The following GNAO1 variants were observed in gnomAD, a reference collection of about 807,000 sequenced individuals.
The protein encoded by GNAO1 is G protein subunit alpha o1, also known as guanine nucleotide-binding protein G(o) subunit alpha.
For missense variants in GNAO1, 166 were observed against 478.7 expected, an observed-to-expected ratio of 0.35 and a Z score of 6.10; for synonymous variants, 164 against 180.7, an observed-to-expected ratio of 0.91 and a Z score of 0.74.
chr16:56,309,658 C>T (rs1407934713), intron 3 of GNAO1, among the ~76,000 whole-genome samples: 8 of 152,202 alleles, frequency 5.3e-5, no homozygotes, highest in African/African-American at 1.9e-4. Context: ...GACCAGAAGC[C>T]AAGGCCCTTC....
intron 2 of GNAO1, among the ~76,000 whole-genome samples, chr16:56,234,010 C>T (rs151218350): frequency 6.6e-6 from 1 of 152,348 alleles, no homozygotes; most frequent in East Asian, 1.9e-4. Flanking sequence ...GCCTCTCTAC[C>T]TTCAGTAACC....
intron 2 of GNAO1, among the ~76,000 whole-genome samples, chr16:56,227,456 A>C (rs2036542054): frequency 6.6e-6 from 1 of 151,948 alleles, no homozygotes; most frequent in Admixed American, 6.5e-5. Context: ...GGTGTGTTTG[A>C]TTTGCACTCT....
At chr16:56,315,287 A>G (rs1313500359) in intron 3 of GNAO1, among the ~76,000 whole-genome samples, 1 of 152,172 alleles carries the variant, frequency 6.6e-6, no homozygotes, top group East Asian at 1.9e-4. Context: ...GAGGTCGGCC[A>G]TTATCATTTT....
intron 2 of GNAO1, among the ~76,000 whole-genome samples, chr16:56,265,135 T>C (rs1232926184): frequency 2.0e-5 from 3 of 152,240 alleles, no homozygotes; most frequent in African/African-American, 4.8e-5. Flanking sequence ...AGCAGCTGAA[T>C]CTGAAGCTGG....
At chr16:56,243,175 G>A (rs564363679) in intron 2 of GNAO1, among the ~76,000 whole-genome samples, 10 of 151,782 alleles carry the variant, frequency 6.6e-5, no homozygotes, top group Non-Finnish European at 1.5e-4. Context: ...ACATTATGGT[G>A]AGTTATATAA....
intron 2 of GNAO1, among the ~76,000 whole-genome samples, chr16:56,256,692 C>CTG (rs879268843): frequency 0.13 from 13,578 of 102,562 alleles, 750 homozygotes; most frequent in African/African-American, 0.22. Flanking sequence ...CTCTGTCTCT[C>CTG]TCTCTCTCTC....
At chr16:56,310,833 G>T (rs1005067956) in intron 3 of GNAO1, among the ~76,000 whole-genome samples, 7 of 152,060 alleles carry the variant, frequency 4.6e-5, no homozygotes, top group Non-Finnish European at 8.8e-5. Context: ...TTCTTGGTGG[G>T]TGGGTGGCTC....
At chr16:56,248,237 G>A (rs1485762334) in intron 2 of GNAO1, among the ~76,000 whole-genome samples, 4 of 152,122 alleles carry the variant, frequency 2.6e-5, no homozygotes, top group African/African-American at 9.7e-5. Context: ...CTTAACTCTC[G>A]TTTCTGTTTT....
intron 2 of GNAO1, among the ~76,000 whole-genome samples, chr16:56,208,562 T>A (rs1213751250): frequency 1.3e-5 from 2 of 152,190 alleles, no homozygotes; most frequent in Non-Finnish European, 2.9e-5. Context: ...TACAGTGTTT[T>A]CCGAAGTGGT....
At chr16:56,276,182 T>C in intron 3 of GNAO1, 110 bp downstream of exon 3, 1 of 930,586 alleles carries the variant, frequency 1.1e-6, no homozygotes, top group East Asian at 2.6e-5. Context: ...GAGACTCCGC[T>C]ATGTTTGAAA....
chr16:56,352,688 G>A (rs993385073), intron 7 of GNAO1: 1 of 152,372 alleles, frequency 6.6e-6, no homozygotes, highest in Non-Finnish European at 1.5e-5. Context: ...GCTGGGAGCA[G>A]TGTGTGAAGA....
At chr16:56,303,597 C>T (rs1488819121) in intron 3 of GNAO1, among the ~76,000 whole-genome samples, 7 of 152,176 alleles carry the variant, frequency 4.6e-5, no homozygotes, top group Admixed American at 3.9e-4. Context: ...TAGAGCCCCT[C>T]GTGACTGTCA....
chr16:56,346,021 A>G (rs2037863963), intron 6 of GNAO1: 1 of 985,168 alleles, frequency 1.0e-6, no homozygotes, highest in Non-Finnish European at 1.2e-6. Flanking sequence ...CCCTGTCCCT[A>G]GAACTGGGGC....
intron 8 of GNAO1, chr16:56,355,526 G>C (rs2037960137): frequency 6.6e-6 from 1 of 152,396 alleles, no homozygotes; most frequent in Admixed American, 6.5e-5. Context: ...TGCGCCCTCA[G>C]TTCCGTCCTG....
intron 2 of GNAO1, among the ~76,000 whole-genome samples, chr16:56,223,475 A>G (rs1271926396): frequency 6.6e-6 from 1 of 152,210 alleles, no homozygotes; most frequent in Non-Finnish European, 1.5e-5. Flanking sequence ...ACCTACCCGG[A>G]TAATCCAGGA....
At chr16:56,209,811 C>G (rs2036368795) in intron 2 of GNAO1, among the ~76,000 whole-genome samples, 1 of 152,012 alleles carries the variant, frequency 6.6e-6, no homozygotes, top group African/African-American at 2.4e-5. Context: ...CGTCCCTCCC[C>G]ACACACATGC....
chr16:56,246,578 G>T (rs1350526646), intron 2 of GNAO1, among the ~76,000 whole-genome samples: 1 of 152,200 alleles, frequency 6.6e-6, no homozygotes, highest in Admixed American at 6.5e-5. Flanking sequence ...CGAGGACCCA[G>T]TGTGTCCACG....
chr16:56,320,559 A>T lies in GNAO1; in HGVS notation c.304-8072A>T, dbSNP rs543697089. Among the ~76,000 whole-genome samples, 4 of 152,350 alleles carry T rather than the reference A, an allele frequency of 2.6e-5. No homozygotes were observed. In the South Asian group the frequency reaches 8.3e-4, roughly 32 times the overall value. ...CCCGCAGAAAGCTGCATGGAGCAGC[A>T]CTAAAAGTCCAAGGAGGGAGTGAGC... On this transcript the variant is annotated intron_variant, in intron 3 of 8. Coordinates refer to ENST00000262493, the MANE Select transcript of GNAO1 (RefSeq NM_020988.3).
intron 4 of GNAO1, among the ~76,000 whole-genome samples, chr16:56,331,210 C>T (rs1361284760): frequency 6.6e-6 from 1 of 152,198 alleles, no homozygotes; most frequent in Non-Finnish European, 1.5e-5. Flanking sequence ...GGCACAGGCT[C>T]CTGAGCAGGC....
Sources: allele counts gnomAD v4.1 joint callset (sites outside exome capture counted in the v4.1 genomes callset), GRCh38; gene constraint gnomAD v4.1.1; transcripts MANE v1.5; gene names NCBI Gene and HGNC (gene_info 2026-07-23, HGNC 2026-07-21).